Variants in TALDO1 observed in about 807,000 individuals in gnomAD.
TALDO1 encodes transaldolase.
Under a neutral mutation model 38.1 loss-of-function variants are expected in TALDO1, and 29 were observed. That is an observed-to-expected ratio of 0.76 (90% CI 0.57 to 1.04). The LOEUF (loss-of-function observed/expected upper bound fraction) is 1.04. Ranked by LOEUF, TALDO1 falls within the 50% of genes least tolerant of loss-of-function variation. The pLI is 0.00. For synonymous variants in TALDO1, 207 were observed against 176.8 expected, an observed-to-expected ratio of 1.17 and a Z score of -1.36; for missense variants, 499 against 438.1, an observed-to-expected ratio of 1.14 and a Z score of -1.24.
intron 1 of TALDO1, among the ~76,000 whole-genome samples, chr11:748,958 A>G (rs28455833): frequency 0.97 from 146,973 of 152,302 alleles, 70,950 homozygotes; most frequent in East Asian, 1. Context: ...ATTGTTCCTT[A>G]CTGGCCCTCA....
At chr11:759,352 C>T (rs1270548955) in intron 3 of TALDO1, among the ~76,000 whole-genome samples, 1 of 152,176 alleles carries the variant, frequency 6.6e-6, no homozygotes, top group East Asian at 1.9e-4. Flanking sequence ...ACCTCTGTCT[C>T]CCGGCTTGAA....
At chr11:764,550 G>C (rs138421002) in intron 7 of TALDO1, 117 bp downstream of exon 7, 8 of 1,501,072 alleles carry the variant, frequency 5.3e-6, no homozygotes, top group East Asian at 4.9e-5. Context: ...TCTCATTCAC[G>C]TGCTGTCCAG....
intron 1 of TALDO1, 103 bp downstream of exon 1, chr11:747,681 G>A (rs1227365659): frequency 1.6e-5 from 17 of 1,067,276 alleles, no homozygotes; most frequent in Non-Finnish European, 2.1e-5. Context: ...CCGGGTGGCG[G>A]TGCCCCGGGC....
At chr11:756,059 C>T in intron 2 of TALDO1, 57 bp downstream of exon 2, 1 of 1,576,068 alleles carries the variant, frequency 6.3e-7, no homozygotes, top group Non-Finnish European at 8.6e-7. Context: ...TCTAGTTGGC[C>T]TTGCTTCCCT....
intron 4 of TALDO1, among the ~76,000 whole-genome samples, chr11:762,273 G>A (rs1862950375): frequency 6.6e-6 from 1 of 152,106 alleles, no homozygotes; most frequent in South Asian, 2.1e-4. Flanking sequence ...CGGACCATTT[G>A]TTTTTATATG....
chr11:764,815 ACG>A lies in TALDO1; in HGVS notation c.985_986del (p.Arg329AsnfsTer13). The A allele has an allele frequency of 6.2e-7, 1 of 1,614,124 alleles. No homozygotes were observed. The highest frequency in any genetic ancestry group is 8.5e-7 in the Non-Finnish European group (1 of 1,180,014). ...GCTCGTGCTCTGTTTGTTTCTAGGAACGAATGTTCAATGCAGAGAATGGAAAG... is the reference window on the plus strand; with the variant it reads ...GCTCGTGCTCTGTTTGTTTCTAGGAAAATGTTCAATGCAGAGAATGGAAAG... Reference protein sequence around the residue: ...AVKLERMLTERMFNAENGK With the variant: ...AVKLERMLTEXMFNAENGK On this transcript the variant is annotated frameshift_variant, in exon 8 of 8. Transcript: ENST00000319006. LOFTEE classifies it high-confidence loss of function.
Position 749,570 on chromosome 11 carries a change from C to G in TALDO1, c.97+1992C>G, listed in dbSNP as rs1490973483. 2.6e-5 allele frequency among the ~76,000 whole-genome samples: 4 copies of G among 152,100 alleles called. No individual in the cohort carries two copies. In the East Asian group the frequency reaches 7.7e-4, roughly 29 times the overall value. On this transcript the variant is annotated intron_variant, in intron 1 of 7. Coordinates refer to ENST00000319006, the MANE Select transcript of TALDO1 (RefSeq NM_006755.2). ...GTTTGTGAAGTGAAGGTTCTTAACTCCTTGTGGGAGGGAGGCACAGGCCTC... is the reference window on the plus strand; with the variant it reads ...GTTTGTGAAGTGAAGGTTCTTAACTGCTTGTGGGAGGGAGGCACAGGCCTC...
chr11:764,009 C>T (rs1863006349), intron 6 of TALDO1, 65 bp downstream of exon 6: 6 of 1,564,790 alleles, frequency 3.8e-6, no homozygotes, highest in Admixed American at 1.7e-5. Flanking sequence ...TGCCACGCTG[C>T]CCTGTGGGTG....
At chr11:759,922 G>A (rs1862902137) in intron 3 of TALDO1, among the ~76,000 whole-genome samples, 200 bp from the exon 4 acceptor site, 1 of 152,124 alleles carries the variant, frequency 6.6e-6, no homozygotes, top group African/African-American at 2.4e-5. Flanking sequence ...ATCCCACTGA[G>A]GACCTCTGTT....
At chr11:758,911 A>C in intron 2 of TALDO1, 39 bp from the exon 3 acceptor site, 16 of 1,573,296 alleles carry the variant, frequency 1.0e-5, no homozygotes, top group Non-Finnish European at 1.1e-5. Flanking sequence ...GGCGAACCTC[A>C]GAAGCTTCTA....
intron 1 of TALDO1, 27 bp downstream of exon 1, chr11:747,605 G>A: frequency 1.3e-6 from 2 of 1,541,316 alleles, no homozygotes; most frequent in Non-Finnish European, 1.7e-6. Flanking sequence ...GCCCGGGCGC[G>A]GCGCAAGCGC....
At chr11:763,704 C>T (rs1479452491) in intron 5 of TALDO1, 43 bp from the exon 6 acceptor site, 6 of 1,608,486 alleles carry the variant, frequency 3.7e-6, no homozygotes, top group Non-Finnish European at 4.3e-6. Context: ...TGGGGTGGTA[C>T]CTCTGCCGAA....
chr11:761,335 C>CAAA (rs71022968), intron 4 of TALDO1, among the ~76,000 whole-genome samples: 61 of 82,064 alleles, frequency 7.4e-4, no homozygotes, highest in African/African-American at 2.5e-3. Flanking sequence ...GACTCCATCT[C>CAAA]AAAAAAAAAA....
At chr11:762,956 G>A (rs548069045) in intron 4 of TALDO1, among the ~76,000 whole-genome samples, 6 of 152,270 alleles carry the variant, frequency 3.9e-5, no homozygotes, top group Non-Finnish European at 7.4e-5. Flanking sequence ...ATGAGGTGAC[G>A]GCCTGGCGCA....
intron 2 of TALDO1, 150 bp from the exon 3 acceptor site, chr11:758,800 T>G (rs1590069872): frequency 1.8e-6 from 1 of 566,340 alleles, no homozygotes; most frequent in East Asian, 4.2e-5. Flanking sequence ...GGAGACGGGG[T>G]TTCACCGTGT....
intron 1 of TALDO1, among the ~76,000 whole-genome samples, chr11:754,817 T>G (rs1186262363): frequency 6.6e-6 from 1 of 151,830 alleles, no homozygotes; most frequent in African/African-American, 2.4e-5. Context: ...CTGGCCCAGG[T>G]GGGAGTGTAG....
chr11:748,661 C>G (rs1862700338), intron 1 of TALDO1, among the ~76,000 whole-genome samples: 2 of 152,166 alleles, frequency 1.3e-5, no homozygotes, highest in Non-Finnish European at 2.9e-5. Context: ...GTTTATCTAG[C>G]AGAGCCTAGA....
chr11:764,453 A>ACC lies in TALDO1; in HGVS notation c.981+21_981+22dup. On this transcript the variant is annotated intron_variant, in intron 7 of 7. Transcript: ENST00000319006. ...CTGACAGTGAGTGTTGTGTGTGGGT[A>ACC]CCTACATATGCCAAGCCCTATGAGA... The ACC allele has an allele frequency of 1.2e-6, 2 of 1,608,098 alleles. No individual in the cohort carries two copies. Among genetic ancestry groups the ACC allele is most frequent in the African/African-American group, 1.3e-5 (1 of 74,678 alleles).
intron 1 of TALDO1, among the ~76,000 whole-genome samples, chr11:749,606 A>C (rs1862718484): frequency 6.6e-6 from 1 of 152,226 alleles, no homozygotes; most frequent in Admixed American, 6.5e-5. Flanking sequence ...TGGAAATAGA[A>C]TCAAAGCTGT....
Sources: allele counts gnomAD v4.1 joint callset (sites outside exome capture counted in the v4.1 genomes callset), GRCh38; gene constraint gnomAD v4.1.1; transcripts MANE v1.5; gene names NCBI Gene and HGNC (gene_info 2026-07-23, HGNC 2026-07-21).